The following CACUL1 variants were observed in gnomAD, a reference collection of about 807,000 sequenced individuals.
CACUL1 encodes CDK2-associated and cullin domain-containing protein 1.
CACUL1 carries 13 observed loss-of-function variants against 45.2 expected under a neutral mutation model. The ratio of observed to expected loss-of-function variants is 0.29; its 90% CI spans 0.19 to 0.46. CACUL1 has a LOEUF of 0.46. CACUL1 is among the 20% of genes least tolerant of loss of function. The pLI, the probability that CACUL1 is intolerant of heterozygous loss-of-function variation, is 1.00. For missense variants in CACUL1, 421 were observed against 471.4 expected (o/e 0.89, Z 0.99); for synonymous variants, 197 against 174.2 (o/e 1.13, Z -1.03).
At chr10:118,736,901 G>A (rs902515202) in intron 1 of CACUL1, among the ~76,000 whole-genome samples, 4 of 152,008 alleles carry the variant, frequency 2.6e-5, no homozygotes, top group Non-Finnish European at 4.4e-5. Context: ...ATTCAGTACA[G>A]TAGCATGTTG....
At chr10:118,753,968 T>C (rs755331880) in intron 1 of CACUL1, among the ~76,000 whole-genome samples, 20 of 152,230 alleles carry the variant, frequency 1.3e-4, no homozygotes, top group Admixed American at 2.6e-4. Flanking sequence ...TTGCCAGATT[T>C]CTTTTCTCTC....
intron 1 of CACUL1, among the ~76,000 whole-genome samples, chr10:118,732,093 G>A (rs1229163623): frequency 6.6e-6 from 1 of 152,158 alleles, no homozygotes. Flanking sequence ...CCTCTCTGGA[G>A]GGTTTTGAGC....
chr10:118,740,696 G>A (rs1045943051), intron 1 of CACUL1, among the ~76,000 whole-genome samples: 2 of 152,080 alleles, frequency 1.3e-5, no homozygotes, highest in Non-Finnish European at 2.9e-5. Flanking sequence ...GGAGGCTGAG[G>A]CGGGCAGATC....
At chr10:118,708,092 G>A (rs1845450099) in intron 3 of CACUL1, among the ~76,000 whole-genome samples, 1 of 144,508 alleles carries the variant, frequency 6.9e-6, no homozygotes, top group African/African-American at 2.6e-5. Context: ...AGGTTGCAGT[G>A]AGCCGAGATC....
At chr10:118,732,640 C>G (rs2119646265) in intron 1 of CACUL1, among the ~76,000 whole-genome samples, 1 of 152,256 alleles carries the variant, frequency 6.6e-6, no homozygotes, top group Non-Finnish European at 1.5e-5. Context: ...TCTAAGGCCC[C>G]TGTGCTATAC....
intron 1 of CACUL1, among the ~76,000 whole-genome samples, chr10:118,741,801 C>A (rs779853420): frequency 2.6e-5 from 4 of 152,182 alleles, no homozygotes; most frequent in Non-Finnish European, 4.4e-5. Flanking sequence ...GAAGAAAATC[C>A]TTCCACTAAC....
chr10:118,695,291 T>C, intron 5 of CACUL1, 61 bp from the exon 6 acceptor site: 1 of 930,020 alleles, frequency 1.1e-6, no homozygotes, highest in South Asian at 1.3e-5. Flanking sequence ...GATTTCTCTA[T>C]TACTGTTTCT....
intron 1 of CACUL1, among the ~76,000 whole-genome samples, chr10:118,745,723 C>T (rs1845837249): frequency 6.6e-6 from 1 of 151,960 alleles, no homozygotes; most frequent in African/African-American, 2.4e-5. Context: ...AAAAAAGATC[C>T]AACCATATGT....
At position 118,694,020 on chromosome 10, in the gene CACUL1, A is replaced by G. The variant is rs377005976; in HGVS notation, c.886+1121T>C. Among the ~76,000 whole-genome samples, 40 of 152,252 alleles carry G rather than the reference A, an allele frequency of 2.6e-4. No homozygotes were observed. The South Asian group carries it at 7.5e-3, about 28-fold the overall frequency. On this transcript the variant is annotated intron_variant, in intron 6 of 8. Coordinates refer to ENST00000369151, the MANE Select transcript of CACUL1 (RefSeq NM_153810.5). ...GCTGGGACTACAGGCGCCCGCCACC[A>G]TACCAGGCTAATTTTTTCTATTTTT...
intron 6 of CACUL1, chr10:118,693,417 G>C (rs1845291040): frequency 5.5e-6 from 1 of 181,916 alleles, no homozygotes; most frequent in African/African-American, 2.4e-5. Flanking sequence ...CAAAAGGTTA[G>C]TATGTGATAA....
Position 118,682,220 on chromosome 10 carries a change from G to A in CACUL1, c.*3908C>T, listed in dbSNP as rs1456796726. 1 of 152,200 alleles carries A rather than the reference G, an allele frequency of 6.6e-6. No homozygotes were observed. The highest frequency in any genetic ancestry group is 2.4e-5 in the African/African-American group (1 of 41,452). 9.4% of individuals were successfully genotyped at this position (152,200 alleles called of 1,614,324 possible). On this transcript the variant is annotated 3_prime_UTR_variant, in exon 9 of 9. Transcript: ENST00000369151. ...CAAAACATCCAAACAATGGCTAGAT[G>A]ACTAATGTAGGTTGTTTTGCTTTTT...
chr10:118,718,664 C>T (rs1465172469), intron 3 of CACUL1, among the ~76,000 whole-genome samples: 2 of 152,212 alleles, frequency 1.3e-5, no homozygotes, highest in Non-Finnish European at 2.9e-5. Context: ...CAAGCTCCAC[C>T]TCCCGGGTTC....
rs543327825 is a variant in CACUL1, at chr10:118,736,081, C to T, written c.368-5671G>A. ...TTCTGCTCCCTCCAGCACAGGGGGA[C>T]GACTGAACTCTTCCAAGTGTTGGAC... On this transcript the variant is annotated intron_variant, in intron 1 of 8. Coordinates refer to ENST00000369151, the MANE Select transcript of CACUL1 (RefSeq NM_153810.5). 7.2e-4 allele frequency among the ~76,000 whole-genome samples: 109 copies of T among 152,222 alleles called. 1 individual carries two copies. Among genetic ancestry groups the T allele is most frequent in the Admixed American group, 3.3e-3 (50 of 15,278 alleles).
intron 1 of CACUL1, among the ~76,000 whole-genome samples, chr10:118,739,194 CA>C (rs79882764): frequency 0.2 from 24,946 of 125,348 alleles, 2,453 homozygotes; most frequent in Admixed American, 0.32. Flanking sequence ...TCCTCCGTCT[CA>C]AAAAAAAAAA....
At chr10:118,715,777 C>T (rs2119609458) in intron 3 of CACUL1, among the ~76,000 whole-genome samples, 1 of 152,206 alleles carries the variant, frequency 6.6e-6, no homozygotes, top group South Asian at 2.1e-4. Context: ...TTCACAAAAG[C>T]ATTCTGGTTG....
chr10:118,729,189 TATATC>T, intron 3 of CACUL1, 101 bp downstream of exon 3: 1 of 702,118 alleles, frequency 1.4e-6, no homozygotes, highest in Non-Finnish European at 2.5e-6. Flanking sequence ...TTTATAAATT[TATATC>T]ATAATCAAAT....
chr10:118,700,964 A>G (rs1049256186), intron 5 of CACUL1, among the ~76,000 whole-genome samples: 11 of 152,188 alleles, frequency 7.2e-5, no homozygotes, highest in African/African-American at 2.7e-4. Context: ...ATAACACTGT[A>G]TTCCTTCTAG....
At chr10:118,699,732 C>T (rs909395475) in intron 5 of CACUL1, among the ~76,000 whole-genome samples, 1 of 152,074 alleles carries the variant, frequency 6.6e-6, no homozygotes, top group Admixed American at 6.5e-5. Flanking sequence ...GCAAGCTCCG[C>T]ATCCCGGGTT....
chr10:118,691,555 G>A, intron 6 of CACUL1, 152 bp from the exon 7 acceptor site: 1 of 685,278 alleles, frequency 1.5e-6, no homozygotes, highest in East Asian at 2.8e-5. Flanking sequence ...AACATACAAA[G>A]TTAAATTTCC....
Sources: gnomAD v4.1 joint callset for allele counts (sites outside exome capture counted in the v4.1 genomes callset) on GRCh38, gnomAD v4.1.1 for gene constraint, MANE v1.5 for transcripts, NCBI Gene and HGNC (gene_info 2026-07-23, HGNC 2026-07-21) for gene names.